The following KCNC2 variants were observed in gnomAD, a reference collection of about 807,000 sequenced individuals.
KCNC2 encodes the protein potassium voltage-gated channel subfamily C member 2.
Under a neutral mutation model 44.5 loss-of-function variants are expected in KCNC2, and 21 were observed. The observed-to-expected ratio is 0.47, with a 90% CI of 0.33 to 0.68. The LOEUF (loss-of-function observed/expected upper bound fraction) is 0.68, where lower values mean the gene tolerates loss of function less well. Ranked by LOEUF, KCNC2 falls within the 30% of genes least tolerant of loss-of-function variation. The pLI is 0.01. For missense variants in KCNC2, 589 were observed against 826.2 expected (o/e 0.71, Z 3.52); for synonymous variants, 391 against 339.1 (o/e 1.15, Z -1.68).
chr12:75,108,326 T>C (rs1473578105), intron 2 of KCNC2, among the ~76,000 whole-genome samples: 1 of 152,174 alleles, frequency 6.6e-6, no homozygotes, highest in Admixed American at 6.5e-5. Flanking sequence ...AGGAGAAAGA[T>C]ATTTCTAATT....
At chr12:75,103,001 TG>T (rs750280008) in intron 2 of KCNC2, among the ~76,000 whole-genome samples, 1 of 152,044 alleles carries the variant, frequency 6.6e-6, no homozygotes, top group Non-Finnish European at 1.5e-5. Context: ...AGAAAGGACC[TG>T]GGGTGTCTCA....
intron 2 of KCNC2, among the ~76,000 whole-genome samples, chr12:75,101,724 A>G (rs73353793): frequency 0.027 from 4,107 of 152,156 alleles, 210 homozygotes; most frequent in African/African-American, 0.092. Flanking sequence ...TAAGACTAGT[A>G]ATACTATAGG....
intron 2 of KCNC2, among the ~76,000 whole-genome samples, chr12:75,099,535 G>T (rs745451581): frequency 1.3e-5 from 2 of 152,160 alleles, no homozygotes; most frequent in Non-Finnish European, 2.9e-5. Flanking sequence ...CTATGAGCTT[G>T]AAGATTACAA....
At chr12:75,095,965 C>T (rs1565850476) in intron 2 of KCNC2, among the ~76,000 whole-genome samples, 1 of 151,774 alleles carries the variant, frequency 6.6e-6, no homozygotes, top group Non-Finnish European at 1.5e-5. Context: ...TGGCTATGGC[C>T]AAAGATTCAA....
intron 2 of KCNC2, among the ~76,000 whole-genome samples, chr12:75,138,011 T>C (rs920764034): frequency 7.2e-5 from 11 of 152,170 alleles, no homozygotes; most frequent in Non-Finnish European, 1.5e-4. Flanking sequence ...TAGTGGCTGC[T>C]TAGAGTGGAT....
chr12:75,062,930 A>T (rs940891436), intron 2 of KCNC2, among the ~76,000 whole-genome samples: 2 of 152,102 alleles, frequency 1.3e-5, no homozygotes, highest in African/African-American at 4.8e-5. Flanking sequence ...CCACAGCTTC[A>T]ATGACTACAT....
intron 2 of KCNC2, among the ~76,000 whole-genome samples, chr12:75,097,312 T>C (rs375496908): frequency 1.4e-4 from 21 of 152,120 alleles, no homozygotes; most frequent in East Asian, 9.6e-4. Context: ...TTCTGTATGA[T>C]TCTGTAATTG....
In KCNC2 at chr12:75,091,421, C is replaced by T. The variant is rs1198240668; in HGVS notation, c.688-40104G>A. On this transcript the variant is annotated intron_variant, in intron 2 of 4. Transcript: ENST00000549446. The stretch of plus-strand genomic sequence containing the variant: ...GAATGATCATAACATCTGTATGAGC[C>T]TGTACTGGCAAGTCAATCTTGAATT... Among the ~76,000 whole-genome samples the T allele has an allele frequency of 2.0e-5, 3 of 151,654 alleles. No individual in the cohort carries two copies. The Admixed American group carries it at 2.0e-4, about 10-fold the overall frequency.
chr12:75,166,778 A>C (rs921594421), intron 2 of KCNC2, among the ~76,000 whole-genome samples: 1 of 151,234 alleles, frequency 6.6e-6, no homozygotes, highest in Non-Finnish European at 1.5e-5. Context: ...AACAAAAAAA[A>C]CACTAAAACT....
chr12:75,137,560 T>A (rs553837054), intron 2 of KCNC2, among the ~76,000 whole-genome samples: 124 of 152,322 alleles, frequency 8.1e-4, no homozygotes, highest in African/African-American at 2.8e-3. Flanking sequence ...TAAAAACAGC[T>A]GTATTATAAT....
Position 75,051,315 on chromosome 12 carries a change from A to C in KCNC2, c.690T>G (p.Phe230Leu), listed in dbSNP as rs199579206. Residue 230 changes from phenylalanine (F) to leucine (L), a missense_variant and splice_region_variant, in exon 3 of 5, where the codon TTT becomes TTG. Physicochemically the swap from Phe to Leu is conservative, Grantham distance 22. This residue lies in a region of KCNC2 where 26 missense variants were observed against 50.4 expected (regional missense o/e 0.52). Transcript: ENST00000549446. ...TGAAGAATAAAGAAGCAAAAGCAAT[A>C]AACTGTAGAGGAAAAAGAAATAAAA... ...EDPYSSRAARFIAFASLFFIL... is the reference protein window; with the variant it reads ...EDPYSSRAARLIAFASLFFIL... The C allele has an allele frequency of 1.3e-6, 2 of 1,559,316 alleles. No individual in the cohort carries two copies. Among genetic ancestry groups the C allele is most frequent in the Non-Finnish European group, 8.8e-7 (1 of 1,142,760 alleles).
At chr12:75,201,366 C>T (rs537454319) in intron 2 of KCNC2, among the ~76,000 whole-genome samples, 5 of 145,500 alleles carry the variant, frequency 3.4e-5, no homozygotes, top group South Asian at 2.2e-4. Context: ...ATGAACATGT[C>T]GTCCCTTCCT....
intron 2 of KCNC2, among the ~76,000 whole-genome samples, chr12:75,103,569 T>C (rs1886543152): frequency 6.6e-6 from 1 of 152,152 alleles, no homozygotes; most frequent in African/African-American, 2.4e-5. Flanking sequence ...AGTTTCACAT[T>C]AGTAACTTAA....
In KCNC2 at chr12:75,209,296, T is replaced by A. The variant is rs940105007; in HGVS notation, c.-109A>T. Reference sequence around the variant, plus strand: ...GCGGGACTGAGTCTTGGCGCCCAGGTGAGCCGCCCTTCTCCGACGAGAAAC... The same window carrying A: ...GCGGGACTGAGTCTTGGCGCCCAGGAGAGCCGCCCTTCTCCGACGAGAAAC... On this transcript the variant is annotated 5_prime_UTR_variant, in exon 1 of 5. Coordinates refer to ENST00000549446, the MANE Select transcript of KCNC2 (RefSeq NM_139137.4). 1.3e-5 allele frequency: 2 copies of A among 152,076 alleles called. No individual in the cohort carries two copies. The highest frequency in any genetic ancestry group is 4.8e-5 in the African/African-American group (2 of 41,406). The allele number at this position is 152,076 out of a possible 1,614,324, so 9.4% of individuals were successfully genotyped here. A position where few individuals can be genotyped will look rare whatever the true frequency, so the allele number is the denominator to read the frequency against.
intron 2 of KCNC2, among the ~76,000 whole-genome samples, chr12:75,071,628 A>G (rs1883409352): frequency 6.6e-6 from 1 of 152,192 alleles, no homozygotes; most frequent in African/African-American, 2.4e-5. Context: ...CAAGGCCACT[A>G]TCATGAAGAA....
Position 75,043,089 on chromosome 12 carries a change from A to C in KCNC2, c.*16T>G. Reference sequence around the variant, plus strand: ...TTAATACAATTTAGCCGACTGATGCAGTTTGGTTGTTTGGTTTACAAGATA... The same window carrying C: ...TTAATACAATTTAGCCGACTGATGCCGTTTGGTTGTTTGGTTTACAAGATA... On this transcript the variant is annotated 3_prime_UTR_variant, in exon 5 of 5. Transcript: ENST00000549446. 6.2e-7 allele frequency: 1 copy of C among 1,610,412 alleles called. No homozygotes were observed. The highest frequency in any genetic ancestry group is 8.5e-7 in the Non-Finnish European group (1 of 1,178,174).
chr12:75,086,044 A>G (rs1884967029), intron 2 of KCNC2, among the ~76,000 whole-genome samples: 1 of 152,046 alleles, frequency 6.6e-6, no homozygotes, highest in African/African-American at 2.4e-5. Context: ...AATGTAATTC[A>G]GCTTTTCTAG....
intron 2 of KCNC2, among the ~76,000 whole-genome samples, chr12:75,094,726 C>A (rs1041215518): frequency 1.3e-5 from 2 of 151,628 alleles, no homozygotes; most frequent in Non-Finnish European, 3.0e-5. Flanking sequence ...TGAATCAGAG[C>A]TGATAAGGAT....
At chr12:75,055,077 T>C (rs73357064) in intron 2 of KCNC2, among the ~76,000 whole-genome samples, 115 of 152,246 alleles carry the variant, frequency 7.6e-4, no homozygotes, top group African/African-American at 2.6e-3. Context: ...AGAGATTTTA[T>C]TTGTATTTTT....
Sources: gnomAD v4.1 joint callset for allele counts (sites outside exome capture counted in the v4.1 genomes callset) on GRCh38, gnomAD v4.1.1 for gene constraint, gnomAD v4.1.1 regional missense constraint, MANE v1.5 for transcripts, NCBI Gene and HGNC (gene_info 2026-07-23, HGNC 2026-07-21) for gene names.